HSF5: variants seen among roughly 807,000 people sequenced by gnomAD.
HSF5 encodes heat shock factor protein 5.
HSF5 carries 5 observed loss-of-function variants against 50.8 expected under a neutral mutation model. That is an observed-to-expected ratio of 0.10 (90% CI 0.05 to 0.21). The LOEUF is 0.21. Among genes scored for constraint, HSF5 ranks in the 10% least tolerant of loss-of-function variants. HSF5 has a pLI of 1.00. For synonymous variants in HSF5, 307 were observed against 307.4 expected (o/e 1.00, Z 0.02); for missense variants, 564 against 762.6 (o/e 0.74, Z 3.07).
chr17:58,461,388 T>C (rs1457579013), intron 4 of HSF5, among the ~76,000 whole-genome samples: 1 of 150,650 alleles, frequency 6.6e-6, no homozygotes, highest in Non-Finnish European at 1.5e-5. Flanking sequence ...GATCTAAAAA[T>C]AGAGCTAAAA....
chr17:58,477,750 G>A (rs928381119), intron 2 of HSF5, among the ~76,000 whole-genome samples: 4 of 151,808 alleles, frequency 2.6e-5, no homozygotes, highest in African/African-American at 9.7e-5. Flanking sequence ...ATGAGCCACC[G>A]TGCCCGGCCA....
chr17:58,458,177 T>C (rs573291407), intron 5 of HSF5, among the ~76,000 whole-genome samples: 1 of 152,326 alleles, frequency 6.6e-6, no homozygotes, highest in South Asian at 2.1e-4. Context: ...TTTTATTAGA[T>C]GTTACTATTT....
chr17:58,448,214 G>T (rs1018077689), intron 5 of HSF5, among the ~76,000 whole-genome samples: 6 of 150,274 alleles, frequency 4.0e-5, no homozygotes, highest in African/African-American at 1.5e-4. Flanking sequence ...GAACTAAAAG[G>T]AACAAAGAAT....
At chr17:58,439,857 A>T (rs1033788963) in intron 5 of HSF5, among the ~76,000 whole-genome samples, 2 of 152,206 alleles carry the variant, frequency 1.3e-5, no homozygotes, top group African/African-American at 2.4e-5. Context: ...CATTCCACAA[A>T]ATAGAAAAAA....
chr17:58,422,117 T>C lies in HSF5; in HGVS notation c.*243A>G. On this transcript the variant is annotated 3_prime_UTR_variant, in exon 6 of 6. Transcript: ENST00000323777. ...GTCAGAACTTTTCATTTAAAAGGGATCTGGGCAGCCAAAAAACGTGGCTGC... is the reference window on the plus strand; with the variant it reads ...GTCAGAACTTTTCATTTAAAAGGGACCTGGGCAGCCAAAAAACGTGGCTGC... The C allele has an allele frequency of 2.3e-6, 1 of 443,852 alleles. No individual in the cohort carries two copies. Among genetic ancestry groups the C allele is most frequent in the Non-Finnish European group, 4.1e-6 (1 of 246,864 alleles). 27.5% of individuals were successfully genotyped at this position (443,852 alleles called of 1,614,324 possible). A position where few individuals can be genotyped will look rare whatever the true frequency, so the allele number is the denominator to read the frequency against.
chr17:58,473,869 A>G (rs1178591981), intron 2 of HSF5, among the ~76,000 whole-genome samples: 2 of 147,612 alleles, frequency 1.4e-5, no homozygotes. Flanking sequence ...TTATAACACA[A>G]TTTTTTTTTT....
intron 3 of HSF5, among the ~76,000 whole-genome samples, chr17:58,465,706 A>C (rs1974856837): frequency 6.6e-6 from 1 of 152,200 alleles, no homozygotes; most frequent in African/African-American, 2.4e-5. Context: ...GACTATCTTG[A>C]AACTATCTTG....
intron 2 of HSF5, 99 bp from the exon 3 acceptor site, chr17:58,467,078 G>A (rs890271606): frequency 2.3e-5 from 17 of 737,942 alleles, no homozygotes; most frequent in Non-Finnish European, 3.7e-5. Flanking sequence ...ATCCAAATTT[G>A]AAGAACTTCT....
chr17:58,476,059 A>C, intron 2 of HSF5: 1 of 481,218 alleles, frequency 2.1e-6, no homozygotes, highest in South Asian at 2.4e-5. Context: ...AACCAAAAAA[A>C]CCTGCAACTT....
chr17:58,442,204 A>G (rs1974507305), intron 5 of HSF5, among the ~76,000 whole-genome samples: 1 of 152,182 alleles, frequency 6.6e-6, no homozygotes, highest in Non-Finnish European at 1.5e-5. Context: ...CTCTTCTTCC[A>G]TGGTGGTGGA....
chr17:58,422,421 A>G lies in HSF5; in HGVS notation c.1730T>C (p.Leu577Pro). 1 of 1,613,928 alleles carries G rather than the reference A, an allele frequency of 6.2e-7. No individual in the cohort carries two copies. The highest frequency in any genetic ancestry group is 1.3e-5 in the African/African-American group (1 of 75,044). ...SQQGKSPDLH[L>P]LVDVACKQER... The stretch of plus-strand genomic sequence containing the variant: ...CTGCTTGCAGGCCACGTCCACCAGC[A>G]GATGAAGATCTAGAAAGAAAGGATA... Residue 577 changes from leucine (L) to proline (P), a missense_variant, in exon 6 of 6, where the codon CTG (leucine) becomes CCG (proline). This residue lies in a region of HSF5 where 441 missense variants were observed against 533.6 expected (regional missense o/e 0.83). Transcript: ENST00000323777.
chr17:58,475,493 C>A (rs1975000853), intron 2 of HSF5, among the ~76,000 whole-genome samples: 1 of 152,154 alleles, frequency 6.6e-6, no homozygotes, highest in African/African-American at 2.4e-5. Context: ...GGGCTCAAGT[C>A]ATCATTAGCA....
At chr17:58,450,022 CAAAAAAAA>C (rs71143248) in intron 5 of HSF5, among the ~76,000 whole-genome samples, 25,228 of 76,598 alleles carry the variant, frequency 0.33, 2,347 homozygotes, top group Admixed American at 0.36. Context: ...GACTCCGTCT[CAAAAAAAA>C]AAAAAAAAAA....
intron 3 of HSF5, 89 bp from the exon 4 acceptor site, chr17:58,463,392 A>G (rs1205640985): frequency 1.0e-6 from 1 of 992,686 alleles, no homozygotes; most frequent in African/African-American, 1.6e-5. Context: ...GATGAGTGCT[A>G]AACATAAATA....
At chr17:58,435,074 C>T (rs1974408794) in intron 5 of HSF5, among the ~76,000 whole-genome samples, 1 of 152,160 alleles carries the variant, frequency 6.6e-6, no homozygotes, top group South Asian at 2.1e-4. Flanking sequence ...TTCATTCTAG[C>T]TGCTTCTATT....
At chr17:58,480,372 T>A in intron 1 of HSF5, 105 bp from the exon 2 acceptor site, 1 of 1,104,170 alleles carries the variant, frequency 9.1e-7, no homozygotes, top group Non-Finnish European at 1.3e-6. Context: ...CAGCCATTTT[T>A]AACACAACAG....
chr17:58,464,567 T>C (rs1974836129), intron 3 of HSF5, among the ~76,000 whole-genome samples: 1 of 152,238 alleles, frequency 6.6e-6, no homozygotes, highest in Admixed American at 6.5e-5. Flanking sequence ...CCCATTTTTC[T>C]ATTTCAAAAT....
chr17:58,472,827 C>T (rs1396149973), intron 2 of HSF5, among the ~76,000 whole-genome samples: 1 of 152,160 alleles, frequency 6.6e-6, no homozygotes, highest in Non-Finnish European at 1.5e-5. Flanking sequence ...GAACCTCCCA[C>T]TCTAGCAATT....
In HSF5 at chr17:58,420,855, T is replaced by G. The variant is rs1974221706; in HGVS notation, c.*1505A>C. On this transcript the variant is annotated 3_prime_UTR_variant, in exon 6 of 6. Coordinates refer to ENST00000323777, the MANE Select transcript of HSF5 (RefSeq NM_001080439.3). ...CTGCAGATCAATACAGAGCTCACCC[T>G]TTTCCAGAAAAGTAGATCTCTGTAA... 1 of 152,376 alleles carries G rather than the reference T, an allele frequency of 6.6e-6. No homozygotes were observed. Among genetic ancestry groups the G allele is most frequent in the Non-Finnish European group, 1.5e-5 (1 of 68,024 alleles). The allele number at this position is 152,376 out of a possible 1,614,324, so 9.4% of individuals were successfully genotyped here. A position where few individuals can be genotyped will look rare whatever the true frequency, so the allele number is the denominator to read the frequency against.
Sources: allele counts gnomAD v4.1 joint callset (sites outside exome capture counted in the v4.1 genomes callset), GRCh38; gene constraint gnomAD v4.1.1; regional missense constraint gnomAD v4.1.1; transcripts MANE v1.5; gene names NCBI Gene and HGNC (gene_info 2026-07-23, HGNC 2026-07-21).